HPSE2: variants seen among roughly 807,000 people sequenced by gnomAD.
HPSE2 encodes heparanase 2 (inactive).
Under a neutral mutation model 60.5 loss-of-function variants are expected in HPSE2, and 38 were observed. The observed-to-expected ratio is 0.63, with a 90% CI of 0.48 to 0.82. The LOEUF (loss-of-function observed/expected upper bound fraction) is 0.82. Among genes scored for constraint, HPSE2 ranks in the 40% least tolerant of loss-of-function variants. The pLI, the probability that HPSE2 is intolerant of heterozygous loss-of-function variation, is 0.00. For missense variants in HPSE2, 713 were observed against 740.4 expected, an observed-to-expected ratio of 0.96 and a Z score of 0.43; for synonymous variants, 295 against 293.2, an observed-to-expected ratio of 1.01 and a Z score of -0.06.
At chr10:98,561,421 T>C (rs921810976) in intron 9 of HPSE2, among the ~76,000 whole-genome samples, 1 of 152,076 alleles carries the variant, frequency 6.6e-6, no homozygotes, top group Non-Finnish European at 1.5e-5. Context: ...TCTTAAAGAC[T>C]AAGGATATAA....
chr10:98,564,100 T>C (rs1025017373), intron 9 of HPSE2, among the ~76,000 whole-genome samples: 1 of 152,310 alleles, frequency 6.6e-6, no homozygotes, highest in African/African-American at 2.4e-5. Flanking sequence ...TTTCCCTCAG[T>C]TGCAAGGCAG....
In HPSE2 at chr10:98,659,844, A is replaced by G. The variant is rs537648563; in HGVS notation, c.1005-17904T>C. 3.3e-5 allele frequency among the ~76,000 whole-genome samples: 5 copies of G among 152,358 alleles called. No homozygotes were observed. In the South Asian group the frequency reaches 1.0e-3, roughly 32 times the overall value. On this transcript the variant is annotated intron_variant, in intron 6 of 11. Coordinates refer to ENST00000370552, the MANE Select transcript of HPSE2 (RefSeq NM_021828.5). ...CAATCTGGGTTAGAGTGAAATTGAA[A>G]TTACACAGGACAATGGGTTCACTTA... is the stretch of plus-strand genomic sequence containing the variant.
At chr10:98,948,768 C>A (rs1955264134) in intron 3 of HPSE2, among the ~76,000 whole-genome samples, 1 of 152,116 alleles carries the variant, frequency 6.6e-6, no homozygotes, top group Non-Finnish European at 1.5e-5. Context: ...ACCCCCTCCT[C>A]TTCCACATCC....
chr10:98,574,790 T>A (rs1469458538), intron 9 of HPSE2, among the ~76,000 whole-genome samples: 1 of 152,128 alleles, frequency 6.6e-6, no homozygotes, highest in Non-Finnish European at 1.5e-5. Context: ...CTCTGAACTG[T>A]GAGAGACACT....
intron 3 of HPSE2, among the ~76,000 whole-genome samples, chr10:99,083,662 G>C (rs1220797438): frequency 6.6e-6 from 1 of 152,130 alleles, no homozygotes; most frequent in Non-Finnish European, 1.5e-5. Context: ...ACGGGGAGAT[G>C]GGTAGAGATC....
intron 5 of HPSE2, among the ~76,000 whole-genome samples, chr10:98,720,310 T>C (rs1948891230): frequency 6.6e-6 from 1 of 151,824 alleles, no homozygotes; most frequent in African/African-American, 2.4e-5. Flanking sequence ...AGAGGAAACA[T>C]AAGAATTTGG....
At chr10:98,550,522 G>GC (rs1943830587) in intron 9 of HPSE2, among the ~76,000 whole-genome samples, 1 of 149,466 alleles carries the variant, frequency 6.7e-6, no homozygotes, top group East Asian at 2.0e-4. Flanking sequence ...AGGCTGGAGT[G>GC]CAGTGGCACG....
At chr10:98,770,717 C>T (rs1950222915) in intron 3 of HPSE2, among the ~76,000 whole-genome samples, 2 of 152,108 alleles carry the variant, frequency 1.3e-5, no homozygotes, top group South Asian at 2.1e-4. Context: ...CCAGTTCCTC[C>T]CTGCTTCCAA....
intron 3 of HPSE2, among the ~76,000 whole-genome samples, chr10:99,059,708 A>G (rs1958191376): frequency 6.6e-6 from 1 of 152,192 alleles, no homozygotes; most frequent in Non-Finnish European, 1.5e-5. Flanking sequence ...GCACAAAAAA[A>G]TACACAAGAG....
At chr10:98,931,127 T>C (rs1407896710) in intron 3 of HPSE2, among the ~76,000 whole-genome samples, 1 of 144,264 alleles carries the variant, frequency 6.9e-6, no homozygotes, top group Non-Finnish European at 1.5e-5. Flanking sequence ...CTTTAATCCA[T>C]CTTGAGTTAA....
At chr10:98,822,341 G>C (rs1338929929) in intron 3 of HPSE2, among the ~76,000 whole-genome samples, 1 of 152,016 alleles carries the variant, frequency 6.6e-6, no homozygotes, top group African/African-American at 2.4e-5. Flanking sequence ...AAATTTGTAA[G>C]ATATTTCCTT....
At chr10:98,723,571 T>C (rs1948985428) in intron 4 of HPSE2, among the ~76,000 whole-genome samples, 2 of 152,200 alleles carry the variant, frequency 1.3e-5, no homozygotes, top group South Asian at 2.1e-4. Flanking sequence ...CTGGTAGAAT[T>C]TGGCTGTGAA....
chr10:98,854,871 CT>C (rs1429306558), intron 3 of HPSE2, among the ~76,000 whole-genome samples: 3 of 152,022 alleles, frequency 2.0e-5, no homozygotes, highest in Admixed American at 2.0e-4. Flanking sequence ...ACCAATAAAG[CT>C]TAAAAAGGGA....
chr10:98,502,681 A>G (rs1942065900), intron 9 of HPSE2, among the ~76,000 whole-genome samples: 1 of 152,222 alleles, frequency 6.6e-6, no homozygotes, highest in South Asian at 2.1e-4. Flanking sequence ...AATGCAATAA[A>G]AACAAAGATA....
At chr10:99,206,072 T>A (rs1233810836) in intron 2 of HPSE2, among the ~76,000 whole-genome samples, 1 of 152,190 alleles carries the variant, frequency 6.6e-6, no homozygotes, top group African/African-American at 2.4e-5. Flanking sequence ...AATTGCTTGA[T>A]ACATACTGTA....
intron 5 of HPSE2, among the ~76,000 whole-genome samples, chr10:98,700,655 A>C: frequency 1.3e-5 from 1 of 76,232 alleles, no homozygotes; most frequent in African/African-American, 3.1e-5. Context: ...GGATCTAATT[A>C]AACTAAAGAG....
intron 3 of HPSE2, among the ~76,000 whole-genome samples, chr10:98,882,707 C>T (rs1953057853): frequency 6.6e-6 from 1 of 151,952 alleles, no homozygotes; most frequent in African/African-American, 2.4e-5. Context: ...AGTGGCAGGC[C>T]CAGCATAGTG....
intron 4 of HPSE2, among the ~76,000 whole-genome samples, chr10:98,725,332 C>T (rs567065232): frequency 2.6e-5 from 4 of 152,234 alleles, no homozygotes; most frequent in African/African-American, 9.6e-5. Flanking sequence ...AGAAATAATG[C>T]TGCATATCTT....
intron 9 of HPSE2, among the ~76,000 whole-genome samples, chr10:98,508,569 TA>T (rs1478749193): frequency 6.6e-6 from 1 of 152,180 alleles, no homozygotes; most frequent in East Asian, 1.9e-4. Flanking sequence ...GCCAATGAGT[TA>T]AACAATTACT....
Sources: gnomAD v4.1 joint callset for allele counts (sites outside exome capture counted in the v4.1 genomes callset) on GRCh38, gnomAD v4.1.1 for gene constraint, MANE v1.5 for transcripts, NCBI Gene and HGNC (gene_info 2026-07-23, HGNC 2026-07-21) for gene names.